Variants in TSHZ3 observed in about 807,000 individuals in gnomAD.
TSHZ3 encodes the protein teashirt homolog 3.
In TSHZ3, 10 loss-of-function variants were observed where a neutral mutation model predicts 64.5. The ratio of observed to expected loss-of-function variants is 0.16; its 90% CI spans 0.10 to 0.26. The LOEUF (loss-of-function observed/expected upper bound fraction) is 0.26. Among genes scored for constraint, TSHZ3 ranks in the 10% least tolerant of loss-of-function variants. The pLI is 1.00. For synonymous variants in TSHZ3, 608 were observed against 593.1 expected, an observed-to-expected ratio of 1.03 and a Z score of -0.36; for missense variants, 1,242 against 1,421.7, an observed-to-expected ratio of 0.87 and a Z score of 2.03.
intron 1 of TSHZ3, among the ~76,000 whole-genome samples, chr19:31,319,079 T>C (rs1599645654): frequency 6.6e-6 from 1 of 152,140 alleles, no homozygotes; most frequent in African/African-American, 2.4e-5. Flanking sequence ...GGTGAGTACA[T>C]CTGAATATAA....
At chr19:31,159,478 C>T (rs1974345754) in intron 5 of TSHZ3, among the ~76,000 whole-genome samples, 1 of 152,168 alleles carries the variant, frequency 6.6e-6, no homozygotes, top group South Asian at 2.1e-4. Flanking sequence ...CACAATTGAG[C>T]TAAATAAAAA....
chr19:31,271,737 G>T (rs1976142257), downstream of TSHZ3, among the ~76,000 whole-genome samples: 1 of 152,194 alleles, frequency 6.6e-6, no homozygotes. Context: ...TGTTCAGGCT[G>T]CCTTTGCCAA....
chr19:31,318,948 C>T (rs912710885), intron 1 of TSHZ3, among the ~76,000 whole-genome samples: 1 of 152,202 alleles, frequency 6.6e-6, no homozygotes, highest in African/African-American at 2.4e-5. Flanking sequence ...GGGCTCCTCC[C>T]ATGGCCCAGA....
intron 1 of TSHZ3, among the ~76,000 whole-genome samples, chr19:31,281,896 A>G (rs1381651858): frequency 5.3e-5 from 8 of 152,156 alleles, no homozygotes; most frequent in Admixed American, 1.3e-4. Flanking sequence ...AAGTGTCCCA[A>G]TTTGCCTGGA....
At chr19:31,195,446 T>G (rs932155230) in intron 5 of TSHZ3, 1 of 152,086 alleles carries the variant, frequency 6.6e-6, no homozygotes, top group Non-Finnish European at 1.5e-5. Context: ...ACTGAAATAT[T>G]TAAAGTGTTA....
At chr19:31,178,766 G>A (rs1043187991) in intron 5 of TSHZ3, among the ~76,000 whole-genome samples, 33 of 152,170 alleles carry the variant, frequency 2.2e-4, no homozygotes, top group African/African-American at 7.5e-4. Context: ...TGTGCTCCAG[G>A]GTGAGACATG....
At chr19:31,264,441 G>T (rs1976022505) in intron 1 of TSHZ3, among the ~76,000 whole-genome samples, 1 of 152,148 alleles carries the variant, frequency 6.6e-6, no homozygotes, top group South Asian at 2.1e-4. Context: ...GAACGTTCCA[G>T]GCTCCCTTGT....
At chr19:31,221,560 C>T (rs1267915633) in intron 4 of TSHZ3, among the ~76,000 whole-genome samples, 1 of 152,224 alleles carries the variant, frequency 6.6e-6, no homozygotes, top group Non-Finnish European at 1.5e-5. Context: ...TGAAGGTTAG[C>T]TGGGCACATT....
At chr19:31,318,114 C>T (rs1175149579) in intron 1 of TSHZ3, among the ~76,000 whole-genome samples, 4 of 152,160 alleles carry the variant, frequency 2.6e-5, no homozygotes, top group African/African-American at 9.7e-5. Context: ...GATCTATAAA[C>T]ACATATTTAT....
At chr19:31,216,696 G>A (rs1447600570) in intron 4 of TSHZ3, among the ~76,000 whole-genome samples, 2 of 152,134 alleles carry the variant, frequency 1.3e-5, no homozygotes, top group Non-Finnish European at 2.9e-5. Flanking sequence ...GAGTGCAGTG[G>A]TGCGATCTCG....
At chr19:31,301,509 C>G (rs1305534942) in intron 1 of TSHZ3, among the ~76,000 whole-genome samples, 3 of 152,166 alleles carry the variant, frequency 2.0e-5, no homozygotes, top group Admixed American at 6.5e-5. Flanking sequence ...ATGGACATAA[C>G]CAAAATAAAC....
rs545985646 is a variant in TSHZ3, at chr19:31,250,634, C to T, written n.64-7759G>A. 1.7e-4 allele frequency among the ~76,000 whole-genome samples: 26 copies of T among 152,202 alleles called. No individual in the cohort carries two copies. In the South Asian group the frequency reaches 5.0e-3, roughly 29 times the overall value. ...CTAAGTATTTTTTTTATAATAAAAC[C>T]GTTTTGGGGGAAGACAGGCTATTGA... is the stretch of plus-strand genomic sequence containing the variant. On this transcript the variant is annotated intron_variant and non_coding_transcript_variant, in intron 1 of 6. Transcript: ENST00000651361.
chr19:31,178,539 C>T (rs985421558), intron 5 of TSHZ3, among the ~76,000 whole-genome samples: 1 of 152,104 alleles, frequency 6.6e-6, no homozygotes, highest in South Asian at 2.1e-4. Context: ...AGTAGCCGGG[C>T]GTGGTGGCAC....
chr19:31,295,354 C>T lies in TSHZ3; in HGVS notation c.41-15602G>A, dbSNP rs376522568. On this transcript the variant is annotated intron_variant, in intron 1 of 1. Transcript: ENST00000240587. ...TGTATTTCATCAAAAGACCTGTACGCTGATATCCTTTGATACGCTATTCAC... is the reference window on the plus strand; with the variant it reads ...TGTATTTCATCAAAAGACCTGTACGTTGATATCCTTTGATACGCTATTCAC... 6.6e-5 allele frequency among the ~76,000 whole-genome samples: 10 copies of T among 152,314 alleles called. No individual in the cohort carries two copies. In the East Asian group the frequency reaches 1.2e-3, roughly 18 times the overall value.
intron 3 of TSHZ3, among the ~76,000 whole-genome samples, chr19:31,241,467 C>T (rs747901448): frequency 3.9e-5 from 6 of 152,182 alleles, no homozygotes; most frequent in East Asian, 1.9e-4. Flanking sequence ...GCCTGTCCTC[C>T]GTCACTGTCA....
intron 4 of TSHZ3, among the ~76,000 whole-genome samples, chr19:31,211,631 C>T (rs6510193): frequency 0.72 from 109,268 of 152,100 alleles, 39,791 homozygotes; most frequent in African/African-American, 0.85. Context: ...AGCCCAGTAG[C>T]GGCAGACAGC....
intron 1 of TSHZ3, chr19:31,308,272 T>C (rs1443167359): frequency 6.2e-6 from 1 of 160,738 alleles, no homozygotes. Context: ...GGGATCAAGT[T>C]TGTCCTTCAT....
intron 1 of TSHZ3, among the ~76,000 whole-genome samples, chr19:31,259,401 T>C (rs1975955788): frequency 6.6e-6 from 1 of 152,178 alleles, no homozygotes; most frequent in Non-Finnish European, 1.5e-5. Flanking sequence ...GAAAGGTTAC[T>C]CTCAACTTAT....
At chr19:31,328,639 T>A (rs1243543598) in intron 1 of TSHZ3, among the ~76,000 whole-genome samples, 1 of 152,186 alleles carries the variant, frequency 6.6e-6, no homozygotes. Context: ...TAGTAGAGAG[T>A]GTCTCTCTCC....
Sources: gnomAD v4.1 joint callset for allele counts (sites outside exome capture counted in the v4.1 genomes callset) on GRCh38, gnomAD v4.1.1 for gene constraint, MANE v1.5 for transcripts, NCBI Gene and HGNC (gene_info 2026-07-23, HGNC 2026-07-21) for gene names.